MTARC2: variants seen among roughly 807,000 people sequenced by gnomAD.
MTARC2 encodes the protein mitochondrial amidoxime reducing component 2, also known as MOCO sulphurase C-terminal domain containing 2.
In MTARC2, 27 loss-of-function variants were observed where a neutral mutation model predicts 35.6. That is an observed-to-expected ratio of 0.76 (90% CI 0.56 to 1.04). The LOEUF (loss-of-function observed/expected upper bound fraction) is 1.04, where lower values mean the gene tolerates loss of function less well. Among genes scored for constraint, MTARC2 ranks in the 50% least tolerant of loss-of-function variants. MTARC2 has a pLI of 0.00. For missense variants in MTARC2, 412 were observed against 432.5 expected (o/e 0.95, Z 0.42); for synonymous variants, 158 against 167.1 (o/e 0.95, Z 0.42).
rs553947125 is a variant in MTARC2 at position 220,750,156 on chromosome 1, G to T, written c.272+1353G>T. 2.0e-5 allele frequency among the ~76,000 whole-genome samples: 3 copies of T among 152,232 alleles called. No homozygotes were observed. The South Asian group carries it at 6.2e-4, about 32-fold the overall frequency. On this transcript the variant is annotated intron_variant, in intron 1 of 7. Coordinates refer to ENST00000366913, the MANE Select transcript of MTARC2 (RefSeq NM_017898.5). The stretch of plus-strand genomic sequence containing the variant: ...TGGTGATTTTGATGCTATAATTAAA[G>T]GATTTTATCCGAGACCATGAAGAAG...
chr1:220,765,315 AT>A (rs149254661), intron 4 of MTARC2, among the ~76,000 whole-genome samples: 2,029 of 152,238 alleles, frequency 0.013, 32 homozygotes, highest in East Asian at 0.06. Flanking sequence ...TAAAGGAGAA[AT>A]GTTAGGGAGG....
intron 2 of MTARC2, among the ~76,000 whole-genome samples, chr1:220,757,953 A>C (rs1671327208): frequency 6.6e-6 from 1 of 152,122 alleles, no homozygotes; most frequent in African/African-American, 2.4e-5. Context: ...AAGTGTTATG[A>C]ATTTTATATT....
intron 1 of MTARC2, chr1:220,754,518 G>A (rs1460847123): frequency 2.3e-6 from 1 of 442,540 alleles, no homozygotes; most frequent in Admixed American, 2.5e-5. Context: ...AAACTCACTT[G>A]GCCAACCTCA....
At position 220,781,762 on chromosome 1, in the gene MTARC2, T is replaced by C; in HGVS notation, c.885-16T>C. On this transcript the variant is annotated splice_polypyrimidine_tract_variant and intron_variant, in intron 6 of 7. Coordinates refer to ENST00000366913, the MANE Select transcript of MTARC2 (RefSeq NM_017898.5). ...TTCCTTTTTGTGTCTGATGATTGAA[T>C]TTTTGCTTGTTTCAGCTACCGCCTG... 3 of 1,613,752 alleles carry C rather than the reference T, an allele frequency of 1.9e-6. No homozygotes were observed. The highest frequency in any genetic ancestry group is 2.5e-6 in the Non-Finnish European group (3 of 1,179,786).
chr1:220,750,696 A>T (rs1671103582), intron 1 of MTARC2, among the ~76,000 whole-genome samples: 1 of 152,250 alleles, frequency 6.6e-6, no homozygotes, highest in Non-Finnish European at 1.5e-5. Context: ...ATAGATTAGC[A>T]TATTTAAACC....
rs750788892 is a variant in MTARC2, at chr1:220,758,278, C to T, written c.446+3158C>T. On this transcript the variant is annotated intron_variant, in intron 2 of 7. Transcript: ENST00000366913. Reference sequence around the variant, plus strand: ...GATTACAGGCATGAGCCACCACGCCCGGCCACTTATTTTTTTTAAACTTTC... The same window carrying T: ...GATTACAGGCATGAGCCACCACGCCTGGCCACTTATTTTTTTTAAACTTTC... Among the ~76,000 whole-genome samples, 7 of 152,106 alleles carry T rather than the reference C, an allele frequency of 4.6e-5. No individual in the cohort carries two copies. The East Asian group carries it at 5.8e-4, about 13-fold the overall frequency.
chr1:220,771,857 A>C (rs1412242181), intron 4 of MTARC2, among the ~76,000 whole-genome samples: 1 of 152,188 alleles, frequency 6.6e-6, no homozygotes, highest in African/African-American at 2.4e-5. Context: ...CCACCATGGC[A>C]CAGGTACACC....
chr1:220,768,896 G>C (rs1309260347), intron 4 of MTARC2, among the ~76,000 whole-genome samples: 1 of 152,164 alleles, frequency 6.6e-6, no homozygotes, highest in Non-Finnish European at 1.5e-5. Context: ...CAAGGTAAAA[G>C]TTCCATGTCC....
At chr1:220,778,167 G>T (rs1671965882) in intron 4 of MTARC2, among the ~76,000 whole-genome samples, 1 of 151,518 alleles carries the variant, frequency 6.6e-6, no homozygotes, top group African/African-American at 2.4e-5. Context: ...GCTTGAATCT[G>T]GGAGGCGGAG....
chr1:220,776,342 A>C, intron 4 of MTARC2, among the ~76,000 whole-genome samples: 1 of 152,118 alleles, frequency 6.6e-6, no homozygotes, highest in East Asian at 1.9e-4. Flanking sequence ...AGACACTGGA[A>C]CTTGCTGAAT....
At chr1:220,771,264 A>G (rs890469917) in intron 4 of MTARC2, among the ~76,000 whole-genome samples, 1 of 133,756 alleles carries the variant, frequency 7.5e-6, no homozygotes, top group Admixed American at 9.1e-5. Context: ...GTGCCACTGC[A>G]CTTCAGCCTT....
intron 1 of MTARC2, among the ~76,000 whole-genome samples, chr1:220,754,010 C>T (rs1169459046): frequency 1.3e-5 from 2 of 152,204 alleles, no homozygotes; most frequent in Non-Finnish European, 2.9e-5. Context: ...GACTGTACCA[C>T]TGCACTCCAG....
At chr1:220,761,285 T>C (rs1241229425) in intron 2 of MTARC2, among the ~76,000 whole-genome samples, 3 of 152,218 alleles carry the variant, frequency 2.0e-5, no homozygotes, top group African/African-American at 7.2e-5. Context: ...AAGCTCAGGG[T>C]GCATCTGCCA....
chr1:220,765,988 C>T (rs1372445016), intron 4 of MTARC2, among the ~76,000 whole-genome samples: 1 of 152,188 alleles, frequency 6.6e-6, no homozygotes, highest in Non-Finnish European at 1.5e-5. Flanking sequence ...CCAGGTGAAT[C>T]TCATGCCCAC....
chr1:220,771,333 G>A (rs1489612673), intron 4 of MTARC2, among the ~76,000 whole-genome samples: 1 of 142,740 alleles, frequency 7.0e-6, no homozygotes, highest in African/African-American at 2.7e-5. Flanking sequence ...TTAGGCTTCT[G>A]TCTTTCTCTT....
chr1:220,761,523 C>G, intron 2 of MTARC2, 135 bp from the exon 3 acceptor site: 1 of 754,444 alleles, frequency 1.3e-6, no homozygotes, highest in Non-Finnish European at 2.1e-6. Context: ...CACTTCTGCC[C>G]AGCTTTGACC....
chr1:220,748,813 AGCGCGG>A lies in MTARC2; in HGVS notation c.272+18_272+23del. 6.4e-7 allele frequency: 1 copy of A among 1,571,106 alleles called. No homozygotes were observed. The highest frequency in any genetic ancestry group is 8.6e-7 in the Non-Finnish European group (1 of 1,160,738). ...GCAACCTGCGGGACAGGTACAGCAC[AGCGCGG>A]GCGCGGGGCAGCGCGGAGCCTGCCT... On this transcript the variant is annotated intron_variant, in intron 1 of 7. Coordinates refer to ENST00000366913, the MANE Select transcript of MTARC2 (RefSeq NM_017898.5).
At chr1:220,759,142 T>C (rs368048864) in intron 2 of MTARC2, among the ~76,000 whole-genome samples, 45 of 152,338 alleles carry the variant, frequency 3.0e-4, no homozygotes, top group Middle Eastern at 6.8e-3. Flanking sequence ...GTTTGCTGTG[T>C]AAGATTGGTA....
At chr1:220,781,488 T>C (rs1037877151) in intron 6 of MTARC2, among the ~76,000 whole-genome samples, 1 of 152,244 alleles carries the variant, frequency 6.6e-6, no homozygotes, top group Non-Finnish European at 1.5e-5. Flanking sequence ...GTTGTGAAGT[T>C]GAAGGTACCC....
Sources: gnomAD v4.1 joint callset for allele counts (sites outside exome capture counted in the v4.1 genomes callset) on GRCh38, gnomAD v4.1.1 for gene constraint, MANE v1.5 for transcripts, NCBI Gene and HGNC (gene_info 2026-07-23, HGNC 2026-07-21) for gene names.